EEA1: variants seen among roughly 807,000 people sequenced by gnomAD.
EEA1 encodes early endosome antigen 1, 162kD.
In EEA1, 111 loss-of-function variants were observed where a neutral mutation model predicts 209.2. That is an observed-to-expected ratio of 0.53 (90% confidence interval 0.45 to 0.62). The LOEUF (loss-of-function observed/expected upper bound fraction) is 0.62. EEA1 is among the 20% of genes least tolerant of loss of function. EEA1 has a pLI of 0.00. For synonymous variants in EEA1, 536 were observed against 540.6 expected (o/e 0.99, Z 0.12); for missense variants, 1,343 against 1,530.8 (o/e 0.88, Z 2.05).
chr12:92,791,397 C>CA (rs1874397025), intron 21 of EEA1, among the ~76,000 whole-genome samples: 1 of 152,054 alleles, frequency 6.6e-6, no homozygotes, highest in Admixed American at 6.5e-5. Context: ...TGCAAAGACG[C>CA]ATATAGGCTC....
At chr12:92,849,283 C>T (rs1877513326) in intron 9 of EEA1, among the ~76,000 whole-genome samples, 1 of 151,656 alleles carries the variant, frequency 6.6e-6, no homozygotes, top group African/African-American at 2.4e-5. Context: ...TTGAGAAATA[C>T]CAATAGGCAG....
chr12:92,833,507 T>G (rs1466303131), intron 10 of EEA1, among the ~76,000 whole-genome samples: 2 of 152,104 alleles, frequency 1.3e-5, no homozygotes, highest in Non-Finnish European at 2.9e-5. Flanking sequence ...CAACCTAATC[T>G]AATGTCAAAG....
chr12:92,790,782 G>T (rs11836310), intron 21 of EEA1, among the ~76,000 whole-genome samples: 38,411 of 151,940 alleles, frequency 0.25, 5,299 homozygotes, highest in Non-Finnish European at 0.31. Context: ...ACACCACAAA[G>T]ATACTCCTCA....
At chr12:92,815,584 T>C (rs1821208516) in intron 15 of EEA1, among the ~76,000 whole-genome samples, 1 of 152,192 alleles carries the variant, frequency 6.6e-6, no homozygotes, top group Non-Finnish European at 1.5e-5. Flanking sequence ...TTCTATTCTA[T>C]ATCATAGAAT....
At chr12:92,781,176 C>G (rs1271491536) in intron 23 of EEA1, among the ~76,000 whole-genome samples, 2 of 152,068 alleles carry the variant, frequency 1.3e-5, no homozygotes, top group Non-Finnish European at 2.9e-5. Flanking sequence ...TCTGGGAGTG[C>G]TGAGATAACA....
chr12:92,848,473 T>C (rs928752101), intron 9 of EEA1, among the ~76,000 whole-genome samples: 5 of 152,056 alleles, frequency 3.3e-5, no homozygotes, highest in Non-Finnish European at 7.4e-5. Flanking sequence ...AAATAATTTG[T>C]TAAATAAAGA....
At chr12:92,910,009 A>G (rs577233858) in intron 1 of EEA1, among the ~76,000 whole-genome samples, 5 of 152,052 alleles carry the variant, frequency 3.3e-5, no homozygotes, top group East Asian at 1.9e-4. Flanking sequence ...CAGGTGTGGT[A>G]GCAGCCACCT....
chr12:92,833,271 A>G (rs1219332994), intron 10 of EEA1, among the ~76,000 whole-genome samples: 4 of 152,194 alleles, frequency 2.6e-5, no homozygotes, highest in African/African-American at 7.2e-5. Flanking sequence ...TAGCACAGCA[A>G]TATCATCCAC....
At chr12:92,844,294 T>C (rs758859362) in intron 9 of EEA1, among the ~76,000 whole-genome samples, 4 of 152,150 alleles carry the variant, frequency 2.6e-5, no homozygotes, top group Non-Finnish European at 4.4e-5. Context: ...AAAATGCTTT[T>C]AGGAATGGAA....
chr12:92,826,288 T>TA lies in EEA1; in HGVS notation c.1405-4dup, dbSNP rs781154346. On this transcript the variant is annotated splice_region_variant and splice_polypyrimidine_tract_variant and intron_variant, in intron 12 of 28. Transcript: ENST00000322349. Reference sequence around the variant, plus strand: ...GAATTTGTAACTTTTTCCTTCAACTTAAAAAAATGTAGATTGTCAATTGAG... The same window carrying TA: ...GAATTTGTAACTTTTTCCTTCAACTTAAAAAAAATGTAGATTGTCAATTGAG... The TA allele has an allele frequency of 1.7e-5, 27 of 1,607,144 alleles. No homozygotes were observed. The highest frequency in any genetic ancestry group is 2.1e-5 in the Non-Finnish European group (25 of 1,175,016).
At chr12:92,922,040 C>G (rs1184044624) in intron 1 of EEA1, among the ~76,000 whole-genome samples, 12 of 152,080 alleles carry the variant, frequency 7.9e-5, no homozygotes, top group Admixed American at 1.3e-4. Context: ...TCTCTTGAAA[C>G]TGAAATAGGT....
intron 13 of EEA1, among the ~76,000 whole-genome samples, chr12:92,825,360 A>G (rs1005583110): frequency 2.0e-5 from 3 of 152,040 alleles, no homozygotes; most frequent in African/African-American, 7.2e-5. Context: ...AGGCTGAGGC[A>G]GGAGAATGGT....
chr12:92,915,838 T>A (rs1021142876), intron 1 of EEA1, among the ~76,000 whole-genome samples: 10 of 152,342 alleles, frequency 6.6e-5, no homozygotes, highest in African/African-American at 2.4e-4. Context: ...CCTAAAAGGA[T>A]GTCAAACATA....
At chr12:92,859,311 A>C (rs1268589973) in intron 3 of EEA1, 1 of 1,390,714 alleles carries the variant, frequency 7.2e-7, no homozygotes, top group Non-Finnish European at 1.0e-6. Context: ...TTGTTGGCAA[A>C]GGCAACAGAG....
chr12:92,859,520 A>T (rs1414157168), intron 3 of EEA1, among the ~76,000 whole-genome samples: 1 of 152,196 alleles, frequency 6.6e-6, no homozygotes, highest in Non-Finnish European at 1.5e-5. Context: ...GTAACTGCCT[A>T]GAAACAACAC....
In EEA1 at chr12:92,827,932, G is replaced by GT; in HGVS notation, c.1383dup (p.Leu462ThrfsTer24). The GT allele has an allele frequency of 6.4e-7, 1 of 1,568,840 alleles. No homozygotes were observed. Among genetic ancestry groups the GT allele is most frequent in the Non-Finnish European group, 8.6e-7 (1 of 1,160,986 alleles). The stretch of plus-strand genomic sequence containing the variant: ...CTTACCTGCTCTTCTAACCGAGAAA[G>GT]TTTGAGTTGTAAATCAGCCACTTGT... On this transcript the variant is annotated frameshift_variant, in exon 12 of 29. Coordinates refer to ENST00000322349, the MANE Select transcript of EEA1 (RefSeq NM_003566.4). LOFTEE classifies it high-confidence loss of function.
At chr12:92,817,158 A>G (rs1213133758) in intron 14 of EEA1, among the ~76,000 whole-genome samples, 2 of 151,074 alleles carry the variant, frequency 1.3e-5, no homozygotes, top group Non-Finnish European at 2.9e-5. Context: ...AGCTTACATA[A>G]TACTATCCCA....
rs1323914159 is a variant in EEA1 at position 92,809,019 on chromosome 12, T to C, written c.2337A>G (p.Glu779=). 1.3e-6 allele frequency: 2 copies of C among 1,588,898 alleles called. No individual in the cohort carries two copies. The highest frequency in any genetic ancestry group is 2.7e-5 in the African/African-American group (2 of 73,662). Residue 779 remains glutamate, a splice_region_variant and synonymous_variant, in exon 18 of 29, where the codon GAA becomes GAG. Coordinates refer to ENST00000322349, the MANE Select transcript of EEA1 (RefSeq NM_003566.4). ...GTAAGTAAAGTGGTTTAGCTTACAT[T>C]TCCTTCTCCATTTCAAGTTGTTTAC... ...ELSKQLEMEK[E]IVSSTRLDLQ... is the part of the protein sequence containing the mutation.
chr12:92,881,834 A>G (rs1474994291), intron 2 of EEA1, among the ~76,000 whole-genome samples: 1 of 152,230 alleles, frequency 6.6e-6, no homozygotes, highest in Non-Finnish European at 1.5e-5. Flanking sequence ...TGTATTACAT[A>G]TATTATATAT....
Sources: allele counts gnomAD v4.1 joint callset (sites outside exome capture counted in the v4.1 genomes callset), GRCh38; gene constraint gnomAD v4.1.1; transcripts MANE v1.5; gene names NCBI Gene and HGNC (gene_info 2026-07-23, HGNC 2026-07-21).